The following CDH13 variants were observed in gnomAD, a reference collection of about 807,000 sequenced individuals.
CDH13 encodes cadherin 13.
CDH13 carries 24 observed loss-of-function variants against 63.8 expected under a neutral mutation model. The observed-to-expected ratio is 0.38, with a 90% CI of 0.27 to 0.53. The LOEUF (loss-of-function observed/expected upper bound fraction) is 0.53. Ranked by LOEUF, CDH13 falls within the 20% of genes least tolerant of loss-of-function variation. CDH13 has a pLI of 0.85. For missense variants in CDH13, 1,049 were observed against 903.1 expected (o/e 1.16, Z -2.07); for synonymous variants, 503 against 355.3 (o/e 1.42, Z -4.67).
intron 1 of CDH13, among the ~76,000 whole-genome samples, chr16:82,836,325 T>C (rs1358103392): frequency 6.6e-6 from 1 of 152,088 alleles, no homozygotes; most frequent in Non-Finnish European, 1.5e-5. Context: ...TTTTTCTGTA[T>C]TTTTAGTAGA....
intron 2 of CDH13, among the ~76,000 whole-genome samples, chr16:82,957,293 A>T (rs1325242143): frequency 1.3e-5 from 2 of 152,248 alleles, no homozygotes; most frequent in African/African-American, 2.4e-5. Context: ...GGGGACAAAT[A>T]GAAGTTTCTG....
At chr16:83,080,871 G>GGTTTTTTT (rs2033183201) in intron 3 of CDH13, among the ~76,000 whole-genome samples, 3 of 46,926 alleles carry the variant, frequency 6.4e-5, no homozygotes, top group African/African-American at 1.9e-4. Flanking sequence ...TTGTTTTTGT[G>GGTTTTTTT]TTTTTTTTTT....
chr16:82,801,324 T>A (rs2036843948), intron 1 of CDH13, among the ~76,000 whole-genome samples: 1 of 152,238 alleles, frequency 6.6e-6, no homozygotes, highest in South Asian at 2.1e-4. Flanking sequence ...TTTGAAGATC[T>A]ATCTAACCTC....
chr16:83,594,041 C>T (rs897963998), intron 7 of CDH13, among the ~76,000 whole-genome samples: 6 of 152,210 alleles, frequency 3.9e-5, no homozygotes, highest in African/African-American at 1.4e-4. Flanking sequence ...TGGGCACTCA[C>T]AGAGCTACAA....
intron 4 of CDH13, among the ~76,000 whole-genome samples, chr16:83,136,877 G>A (rs771918810): frequency 6.6e-6 from 1 of 152,342 alleles, no homozygotes; most frequent in Non-Finnish European, 1.5e-5. Flanking sequence ...ACTGGCTCTC[G>A]GAGGCTGGAA....
chr16:83,005,283 A>G (rs1421488718), intron 2 of CDH13, among the ~76,000 whole-genome samples: 1 of 152,100 alleles, frequency 6.6e-6, no homozygotes, highest in Non-Finnish European at 1.5e-5. Flanking sequence ...TTAAGTTTGG[A>G]AAATAGGGAA....
At chr16:83,721,978 G>T (rs1046669522) in intron 10 of CDH13, 1 of 152,268 alleles carries the variant, frequency 6.6e-6, no homozygotes, top group African/African-American at 2.4e-5. Context: ...TAAGTAAACT[G>T]GACTTCATTC....
intron 3 of CDH13, among the ~76,000 whole-genome samples, chr16:83,116,540 G>A (rs1216449493): frequency 7.6e-6 from 1 of 131,970 alleles, no homozygotes; most frequent in Non-Finnish European, 1.8e-5. Context: ...TGAAGTTCAT[G>A]GAAATATTGT....
intron 7 of CDH13, among the ~76,000 whole-genome samples, chr16:83,509,245 A>G (rs545067927): frequency 5.1e-4 from 77 of 152,342 alleles, no homozygotes; most frequent in Middle Eastern, 6.8e-3. Context: ...GACTCTTTAC[A>G]GCAGGATGAT....
At chr16:83,585,045 A>C (rs1323389883) in intron 7 of CDH13, among the ~76,000 whole-genome samples, 2 of 152,174 alleles carry the variant, frequency 1.3e-5, no homozygotes, top group African/African-American at 4.8e-5. Context: ...GTTACAATTC[A>C]ACATGAGATT....
chr16:83,071,445 C>T (rs1413997763), intron 3 of CDH13, among the ~76,000 whole-genome samples: 2 of 152,164 alleles, frequency 1.3e-5, no homozygotes, highest in East Asian at 1.9e-4. Flanking sequence ...TGTAGCTCTT[C>T]CCTGAGAGCT....
chr16:83,010,820 A>G (rs931875017), intron 2 of CDH13, among the ~76,000 whole-genome samples: 1 of 152,216 alleles, frequency 6.6e-6, no homozygotes, highest in Non-Finnish European at 1.5e-5. Flanking sequence ...GTCATTTACT[A>G]GTAGTGGAGC....
At chr16:83,356,546 C>T (rs893876243) in intron 6 of CDH13, among the ~76,000 whole-genome samples, 4 of 152,188 alleles carry the variant, frequency 2.6e-5, no homozygotes, top group African/African-American at 7.2e-5. Context: ...TGCTCTAAGA[C>T]TCCCATCCCT....
At chr16:83,291,106 A>G (rs1317293209) in intron 5 of CDH13, among the ~76,000 whole-genome samples, 1 of 152,188 alleles carries the variant, frequency 6.6e-6, no homozygotes, top group Admixed American at 6.5e-5. Context: ...CAAAGCGGCA[A>G]GCTACCAACC....
chr16:83,032,949 T>C (rs752014472), intron 3 of CDH13, among the ~76,000 whole-genome samples: 6 of 152,222 alleles, frequency 3.9e-5, no homozygotes, highest in Admixed American at 6.5e-5. Flanking sequence ...TGTATACATA[T>C]ACGGTGTATG....
intron 10 of CDH13, among the ~76,000 whole-genome samples, chr16:83,740,479 A>G (rs940936162): frequency 6.6e-6 from 1 of 152,140 alleles, no homozygotes; most frequent in African/African-American, 2.4e-5. Flanking sequence ...GGTCCACTGC[A>G]TGTGTGGAAG....
intron 2 of CDH13, among the ~76,000 whole-genome samples, chr16:83,024,208 A>G (rs1480302358): frequency 6.6e-6 from 1 of 152,180 alleles, no homozygotes; most frequent in Non-Finnish European, 1.5e-5. Flanking sequence ...TTTAGTGGAT[A>G]CAAGGACAAA....
rs3924166 is a variant in CDH13, at chr16:83,213,947, G to T, written c.484-3398G>T. ...CGCACCAATCTGCACTCTGTGGCTC[G>T]CTAGAGGTTTGTAAAATGGACCAAT... On this transcript the variant is annotated intron_variant, in intron 4 of 13. Coordinates refer to ENST00000567109, the MANE Select transcript of CDH13 (RefSeq NM_001257.5). Among the ~76,000 whole-genome samples the T allele has an allele frequency of 4.7e-3, 721 of 152,150 alleles. 3 individuals carry two copies. The highest frequency in any genetic ancestry group is 6.8e-3 in the Non-Finnish European group (464 of 68,016).
intron 7 of CDH13, among the ~76,000 whole-genome samples, chr16:83,566,771 C>T (rs979528537): frequency 2.0e-5 from 3 of 152,188 alleles, no homozygotes; most frequent in African/African-American, 7.2e-5. Context: ...CATCATTTTT[C>T]ATCTGCCTGG....
Sources: gnomAD v4.1 joint callset for allele counts (sites outside exome capture counted in the v4.1 genomes callset) on GRCh38, gnomAD v4.1.1 for gene constraint, MANE v1.5 for transcripts, NCBI Gene and HGNC (gene_info 2026-07-23, HGNC 2026-07-21) for gene names.